NSD1: variants seen among roughly 807,000 people sequenced by gnomAD.
NSD1 encodes the protein histone-lysine N-methyltransferase, H3 lysine-36 specific.
NSD1 carries 26 observed loss-of-function variants against 242.7 expected under a neutral mutation model. The ratio of observed to expected loss-of-function variants is 0.11; its 90% CI spans 0.08 to 0.15. The LOEUF is 0.15. Among genes scored for constraint, NSD1 ranks in the 10% least tolerant of loss-of-function variants. The probability of loss-of-function intolerance (pLI) is 1.00; values close to 1 mark genes in which losing one functional copy is unlikely to be tolerated. For synonymous variants in NSD1, 1,106 were observed against 1,178.1 expected, an observed-to-expected ratio of 0.94 and a Z score of 1.25; for missense variants, 2,495 against 3,272.8, an observed-to-expected ratio of 0.76 and a Z score of 5.80.
At position 177,269,992 on chromosome 5, in the gene NSD1, A is replaced by T. The variant is rs1757822839; in HGVS notation, c.5509+185A>T. ...TGTAACTCATTATTTTTGAGCCTTA[A>T]CCTTTACTTAATTTGAATTTCCTTG... On this transcript the variant is annotated intron_variant, in intron 16 of 22. Transcript: ENST00000439151. The surrounding 1 kb of genome is among the most constrained non-coding windows in gnomAD (Gnocchi z 5.1). 6.6e-6 allele frequency among the ~76,000 whole-genome samples: 1 copy of T among 152,144 alleles called. No homozygotes were observed. Among genetic ancestry groups the T allele is most frequent in the African/African-American group, 2.4e-5 (1 of 41,422 alleles).
At position 177,135,323 on chromosome 5, in the gene NSD1, A is replaced by G. The variant is rs1046092949; in HGVS notation, c.220A>G (p.Arg74Gly). The G allele has an allele frequency of 6.2e-7, 1 of 1,613,032 alleles. No individual in the cohort carries two copies. The highest frequency in any genetic ancestry group is 8.5e-7 in the Non-Finnish European group (1 of 1,179,034). The change falls in exon 2 of 23, where the codon AGA (arginine) becomes GGA (glycine). Residue 74 changes from arginine to glycine, a missense_variant. Arg to Gly is a moderately radical substitution (Grantham distance 125, BLOSUM62 -2). Around this residue, in one of 19 missense-constraint regions of NSD1, gnomAD observed 376 missense variants for 367.4 expected, o/e 1.02. Coordinates refer to ENST00000439151, the MANE Select transcript of NSD1 (RefSeq NM_022455.5). ...DSPSCYIPLR[R>G]LQDLASMINV... ...TCCATCTTGTTACATTCCACTGCGG[A>G]GACTACAGGATTTGGCCTCCATGAT... is the stretch of plus-strand genomic sequence containing the variant.
chr5:177,266,412 C>A, intron 14 of NSD1: 1 of 634,674 alleles, frequency 1.6e-6, no homozygotes, highest in South Asian at 1.6e-5. Flanking sequence ...AGCCCACATC[C>A]AGCACCACCT....
Position 177,269,951 on chromosome 5 carries a change from C to A in NSD1, c.5509+144C>A. 1 of 675,662 alleles carries A rather than the reference C, an allele frequency of 1.5e-6. No individual in the cohort carries two copies. The highest frequency in any genetic ancestry group is 2.5e-6 in the Non-Finnish European group (1 of 405,148). 41.9% of individuals were successfully genotyped at this position (675,662 alleles called of 1,614,324 possible). ...ATCTGGCTGCAAATACAGTATTTTG[C>A]AAGGAAGTTGACCCATGTAACTCAT... is the stretch of plus-strand genomic sequence containing the variant. On this transcript the variant is annotated intron_variant, in intron 16 of 22. Coordinates refer to ENST00000439151, the MANE Select transcript of NSD1 (RefSeq NM_022455.5). The surrounding 1 kb of genome is among the most constrained non-coding windows in gnomAD (Gnocchi z 5.1).
chr5:177,256,806 A>G (rs1756506929), intron 12 of NSD1, 145 bp from the exon 13 acceptor site: 1 of 693,102 alleles, frequency 1.4e-6, no homozygotes, highest in African/African-American at 1.8e-5. Context: ...GTTCATTTAT[A>G]ATAATACTAA....
At chr5:177,164,733 CAGAAGTT>C (rs1759042986) in intron 2 of NSD1, among the ~76,000 whole-genome samples, 1 of 151,906 alleles carries the variant, frequency 6.6e-6, no homozygotes, top group African/African-American at 2.4e-5. Flanking sequence ...CACCTGAGGT[CAGAAGTT>C]CAAGACCAGC....
chr5:177,257,197 TA>T (rs1452458860), intron 13 of NSD1, 46 bp downstream of exon 13: 1 of 1,454,854 alleles, frequency 6.9e-7, no homozygotes, highest in Non-Finnish European at 9.6e-7. Context: ...AACCTCAGTT[TA>T]ATTGGCAACA....
At chr5:177,291,134 A>G (rs772149516) in intron 21 of NSD1, among the ~76,000 whole-genome samples, 14 of 152,240 alleles carry the variant, frequency 9.2e-5, no homozygotes, top group Non-Finnish European at 1.8e-4. Flanking sequence ...GGGAACAAAG[A>G]GAGAACATCT....
At position 177,210,547 on chromosome 5, in the gene NSD1, T is replaced by G. The variant is rs780294858; in HGVS notation, c.2148T>G (p.Thr716=). The G allele has an allele frequency of 2.5e-6, 4 of 1,614,188 alleles. No individual in the cohort carries two copies. Among genetic ancestry groups the G allele is most frequent in the Middle Eastern group, 1.6e-4 (1 of 6,062 alleles). ...NSHTDHLMGC[T]KSAEPGTETS... Reference sequence around the variant, plus strand: ...ATACAGACCACTTAATGGGTTGTACTAAGAGTGCAGAGCCTGGAACCGAGA... The same window carrying G: ...ATACAGACCACTTAATGGGTTGTACGAAGAGTGCAGAGCCTGGAACCGAGA... Residue 716 remains threonine (T), a synonymous_variant, in exon 5 of 23, where the codon ACT becomes ACG. Transcript: ENST00000439151.
intron 4 of NSD1, 105 bp downstream of exon 4, chr5:177,204,397 A>T: frequency 9.4e-7 from 1 of 1,068,028 alleles, no homozygotes; most frequent in Non-Finnish European, 1.4e-6. Flanking sequence ...TCTGTTTCCC[A>T]GATTGGAGTA....
Position 177,258,492 on chromosome 5 carries a change from T to C in NSD1, c.4966+1341T>C, listed in dbSNP as rs529654675. Among the ~76,000 whole-genome samples the C allele has an allele frequency of 2.0e-5, 3 of 152,226 alleles. No homozygotes were observed. In the South Asian group the frequency reaches 6.2e-4, roughly 32 times the overall value. ...AGGTAAACTTAAGTTTTGAAATGTG[T>C]TCTCTTTGGTAAAACAAGTTGTTTT... On this transcript the variant is annotated intron_variant, in intron 13 of 22. Transcript: ENST00000439151.
At chr5:177,136,283 T>C in intron 2 of NSD1, 1 of 420,796 alleles carries the variant, frequency 2.4e-6, no homozygotes, top group Non-Finnish European at 4.3e-6. Context: ...AGGCATTTGA[T>C]TGAGTTCAGG....
At chr5:177,260,287 T>C (rs1038428017) in intron 14 of NSD1, 119 bp downstream of exon 14, 2 of 906,586 alleles carry the variant, frequency 2.2e-6, no homozygotes, top group Non-Finnish European at 3.5e-6. Context: ...AATGATACTA[T>C]TCATCTGCCA....
At chr5:177,249,093 T>C (rs1028191662) in intron 11 of NSD1, among the ~76,000 whole-genome samples, 1 of 152,202 alleles carries the variant, frequency 6.6e-6, no homozygotes, top group African/African-American at 2.4e-5. Context: ...CTTGAAGTCT[T>C]TGTGAGTAGA....
rs2149756745 is a variant in NSD1, at chr5:177,135,809, C to G, written c.706C>G (p.Gln236Glu). ...FLPLAPQTET[Q>E]KNKQRNEVDG... Reference sequence around the variant, plus strand: ...GCCATTAGCTCCTCAGACTGAAACACAGAAAAATAAGCAAAGAAATGAAGT... The same window carrying G: ...GCCATTAGCTCCTCAGACTGAAACAGAGAAAAATAAGCAAAGAAATGAAGT... The change falls in exon 2 of 23, where the codon CAG becomes GAG. Residue 236 changes from glutamine to glutamate, a missense_variant. Physicochemically the swap from Gln to Glu is conservative, Grantham distance 29. Around this residue, in one of 19 missense-constraint regions of NSD1, gnomAD observed 376 missense variants for 367.4 expected, o/e 1.02. Coordinates refer to ENST00000439151, the MANE Select transcript of NSD1 (RefSeq NM_022455.5). 6.2e-7 allele frequency: 1 copy of G among 1,608,388 alleles called. No individual in the cohort carries two copies. Among genetic ancestry groups the G allele is most frequent in the South Asian group, 1.1e-5 (1 of 90,684 alleles).
At chr5:177,247,966 A>G in intron 10 of NSD1, 2 of 985,446 alleles carry the variant, frequency 2.0e-6, no homozygotes, top group Non-Finnish European at 2.4e-6. Flanking sequence ...CCAGTGGAAC[A>G]AACAGCCTCA....
chr5:177,185,513 G>A (rs1353281989), intron 2 of NSD1, among the ~76,000 whole-genome samples: 4 of 150,598 alleles, frequency 2.7e-5, no homozygotes, highest in African/African-American at 4.9e-5. Context: ...CAGGAGAATC[G>A]CTTGAACCCA....
At chr5:177,166,181 G>A (rs1366427463) in intron 2 of NSD1, among the ~76,000 whole-genome samples, 1 of 150,654 alleles carries the variant, frequency 6.6e-6, no homozygotes, top group Admixed American at 6.6e-5. Context: ...CCAAAGTGCC[G>A]GGATTACAGG....
intron 6 of NSD1, among the ~76,000 whole-genome samples, chr5:177,236,603 G>T (rs1471472172): frequency 6.6e-6 from 1 of 152,118 alleles, no homozygotes; most frequent in Non-Finnish European, 1.5e-5. Context: ...GTCTATAAGA[G>T]AGTGACATAT....
chr5:177,266,510 C>T (rs1054553197), intron 14 of NSD1: 2 of 623,760 alleles, frequency 3.2e-6, no homozygotes. Flanking sequence ...GTCATGCCCT[C>T]GACGTTCGGC....
Sources: allele counts gnomAD v4.1 joint callset (sites outside exome capture counted in the v4.1 genomes callset), GRCh38; gene constraint gnomAD v4.1.1; regional missense constraint gnomAD v4.1.1; non-coding constraint Gnocchi (gnomAD v3.1); transcripts MANE v1.5; gene names NCBI Gene and HGNC (gene_info 2026-07-23, HGNC 2026-07-21).